Variants in CDH6 observed in about 807,000 individuals in gnomAD.
CDH6 encodes cadherin 6, also known as cadherin-6.
CDH6 carries 31 observed loss-of-function variants against 78.0 expected under a neutral mutation model. The observed-to-expected ratio is 0.40, with a 90% CI of 0.30 to 0.54. CDH6 has a LOEUF of 0.54. Ranked by LOEUF, CDH6 falls within the 20% of genes least tolerant of loss-of-function variation. The probability of loss-of-function intolerance (pLI) is 0.56; values close to 1 mark genes in which losing one functional copy is unlikely to be tolerated. For missense variants in CDH6, 724 were observed against 975.9 expected, an observed-to-expected ratio of 0.74 and a Z score of 3.44; for synonymous variants, 376 against 368.8, an observed-to-expected ratio of 1.02 and a Z score of -0.23.
In CDH6 at chr5:31,219,195, T is replaced by A. The variant is rs112975865; in HGVS notation, c.-129+25309T>A. On this transcript the variant is annotated intron_variant, in intron 1 of 11. Transcript: ENST00000265071. ...GGACTCAAACTGCAATTCTCTTCTG[T>A]GTCTCCAGGTTACCTGTGTTTTAAA... 3.9e-3 allele frequency among the ~76,000 whole-genome samples: 598 copies of A among 152,296 alleles called. 8 individuals carry two copies. Among genetic ancestry groups the A allele is most frequent in the African/African-American group, 0.013 (557 of 41,566 alleles).
intron 1 of CDH6, among the ~76,000 whole-genome samples, chr5:31,239,401 T>C (rs1414868133): frequency 6.6e-6 from 1 of 152,208 alleles, no homozygotes; most frequent in Non-Finnish European, 1.5e-5. Context: ...GCTGGGATAC[T>C]TCTGATGCTT....
chr5:31,207,725 C>CA (rs1463696772), intron 1 of CDH6, among the ~76,000 whole-genome samples: 1 of 152,180 alleles, frequency 6.6e-6, no homozygotes, highest in African/African-American at 2.4e-5. Context: ...CTCTGGACAA[C>CA]ATTTATATAC....
In CDH6 at chr5:31,252,015, A is replaced by C. The variant is rs1195647917; in HGVS notation, c.-128-15331A>C. 3.3e-5 allele frequency among the ~76,000 whole-genome samples: 5 copies of C among 152,302 alleles called. No individual in the cohort carries two copies. The East Asian group carries it at 9.6e-4, about 29-fold the overall frequency. ...GACATTTTAGTCCATATCCATCAAG[A>C]AAAAAATTCTGGGACAAAAATTGGA... On this transcript the variant is annotated intron_variant, in intron 1 of 11. Transcript: ENST00000265071.
At chr5:31,194,989 G>A (rs1346895931) in intron 1 of CDH6, among the ~76,000 whole-genome samples, 1 of 151,692 alleles carries the variant, frequency 6.6e-6, no homozygotes, top group Non-Finnish European at 1.5e-5. Flanking sequence ...CAGTGCAAAG[G>A]GCTGGCCACC....
intron 1 of CDH6, among the ~76,000 whole-genome samples, chr5:31,204,893 T>C (rs1740470984): frequency 6.6e-6 from 1 of 152,244 alleles, no homozygotes; most frequent in Non-Finnish European, 1.5e-5. Flanking sequence ...GTTTGTCAAG[T>C]ACTTTCCAAT....
In CDH6 at chr5:31,317,845, T is replaced by C. The variant is rs2229575; in HGVS notation, c.1803T>C (p.His601=). Residue 601 remains histidine (H), a synonymous_variant, in exon 11 of 12, where the codon CAT becomes CAC. Transcript: ENST00000265071. Reference sequence around the variant, plus strand: ...ACCACGGGAACATGCAATCCTGCCATGCGGAGGCGCTCATCCACCCCACGG... The same window carrying C: ...ACCACGGGAACATGCAATCCTGCCACGCGGAGGCGCTCATCCACCCCACGG... ...CDHHGNMQSC[H]AEALIHPTGL... 830,853 of 1,613,758 alleles carry C rather than the reference T, an allele frequency of 0.51. 221,176 individuals carry two copies. The highest frequency in any genetic ancestry group is 0.55 in the East Asian group (24,436 of 44,832).
intron 4 of CDH6, among the ~76,000 whole-genome samples, chr5:31,297,946 G>A: frequency 6.6e-6 from 1 of 152,150 alleles, no homozygotes; most frequent in East Asian, 1.9e-4. Flanking sequence ...ATGTCTGAGT[G>A]GTATGGTGAA....
In CDH6 at chr5:31,260,736, G is replaced by A. The variant is rs193091417; in HGVS notation, c.-128-6610G>A. Among the ~76,000 whole-genome samples, 214 of 152,240 alleles carry A rather than the reference G, an allele frequency of 1.4e-3. 2 individuals are homozygous for A. The highest frequency in any genetic ancestry group is 2.5e-3 in the South Asian group (12 of 4,826). On this transcript the variant is annotated intron_variant, in intron 1 of 11. Coordinates refer to ENST00000265071, the MANE Select transcript of CDH6 (RefSeq NM_004932.4). ...TGGCTCTTGCCATAATGATTCATTG[G>A]CACAAGAGAAGTGCTTCATGGTGAG...
intron 7 of CDH6, among the ~76,000 whole-genome samples, chr5:31,307,227 T>A (rs1738015961): frequency 6.6e-6 from 1 of 152,210 alleles, no homozygotes; most frequent in Non-Finnish European, 1.5e-5. Flanking sequence ...AGTTAACTAA[T>A]CTAAAACTCC....
chr5:31,265,781 T>TA, intron 1 of CDH6, among the ~76,000 whole-genome samples: 1 of 138,764 alleles, frequency 7.2e-6, no homozygotes, highest in Admixed American at 7.2e-5. Context: ...TTTTTTTTTT[T>TA]TTTTTTTTTT....
intron 1 of CDH6, among the ~76,000 whole-genome samples, chr5:31,245,445 T>C (rs1359475854): frequency 6.6e-6 from 1 of 152,132 alleles, no homozygotes; most frequent in African/African-American, 2.4e-5. Flanking sequence ...TCTTTTCCTC[T>C]GTCTTTCCCG....
At chr5:31,293,467 A>G (rs990898475) in intron 2 of CDH6, among the ~76,000 whole-genome samples, 2 of 152,200 alleles carry the variant, frequency 1.3e-5, no homozygotes, top group African/African-American at 4.8e-5. Flanking sequence ...TCACCAAGAT[A>G]ATAAATGTAA....
chr5:31,292,805 ATATATATATATGTGTG>A (rs1737422614), intron 2 of CDH6, among the ~76,000 whole-genome samples: 1 of 79,106 alleles, frequency 1.3e-5, no homozygotes, highest in South Asian at 4.6e-4. Context: ...ATGTGTGTGC[ATATATATATATGTGTG>A]CATATATATA....
rs1738548663 is a variant in CDH6, at chr5:31,323,955, C to T, written c.*647C>T. 2 of 228,442 alleles carry T rather than the reference C, an allele frequency of 8.8e-6. No homozygotes were observed. The highest frequency in any genetic ancestry group is 1.7e-5 in the Non-Finnish European group (2 of 115,092). 14.2% of individuals were successfully genotyped at this position (228,442 alleles called of 1,614,324 possible). A position where few individuals can be genotyped will look rare whatever the true frequency, so the allele number is the denominator to read the frequency against. ...TCCAAAAGCAACCACAAACCTAGTACGACTTCATTCCTTCCACTAACTCAT... is the reference window on the plus strand; with the variant it reads ...TCCAAAAGCAACCACAAACCTAGTATGACTTCATTCCTTCCACTAACTCAT... On this transcript the variant is annotated 3_prime_UTR_variant, in exon 12 of 12. Transcript: ENST00000265071.
intron 1 of CDH6, among the ~76,000 whole-genome samples, chr5:31,260,304 G>C (rs1292124635): frequency 6.6e-6 from 1 of 152,156 alleles, no homozygotes; most frequent in African/African-American, 2.4e-5. Flanking sequence ...TCCAGCCAGC[G>C]TTGTGCGGGG....
At chr5:31,243,164 G>A (rs912996033) in intron 1 of CDH6, among the ~76,000 whole-genome samples, 1 of 152,142 alleles carries the variant, frequency 6.6e-6, no homozygotes. Context: ...TTCTTCTGGT[G>A]TGAGAACCCT....
chr5:31,266,481 T>TTAACA (rs1403399420), intron 1 of CDH6, among the ~76,000 whole-genome samples: 1 of 152,190 alleles, frequency 6.6e-6, no homozygotes, highest in Non-Finnish European at 1.5e-5. Flanking sequence ...CAAATATGCT[T>TTAACA]GATTGTTTAT....
At chr5:31,308,421 A>G (rs1367680022) in intron 7 of CDH6, among the ~76,000 whole-genome samples, 1 of 98,776 alleles carries the variant, frequency 1.0e-5, no homozygotes, top group Non-Finnish European at 2.2e-5. Context: ...CACAGAATAC[A>G]ATGAAGTCCT....
At chr5:31,310,146 A>C (rs190613562) in intron 7 of CDH6, among the ~76,000 whole-genome samples, 1 of 152,320 alleles carries the variant, frequency 6.6e-6, no homozygotes, top group Non-Finnish European at 1.5e-5. Context: ...TAAAATAAAA[A>C]ACAAGTTAGT....
Sources: allele counts gnomAD v4.1 joint callset (sites outside exome capture counted in the v4.1 genomes callset), GRCh38; gene constraint gnomAD v4.1.1; transcripts MANE v1.5; gene names NCBI Gene and HGNC (gene_info 2026-07-23, HGNC 2026-07-21).